Variants in AKAIN1 observed in about 807,000 individuals in gnomAD.
AKAIN1 encodes A-kinase anchor inhibitor 1.
A neutral mutation model predicts 3.7 loss-of-function variants in AKAIN1; 3 were observed. That is an observed-to-expected ratio of 0.82 (90% CI 0.37 to 2.12). The LOEUF is 2.12. AKAIN1 is among the 30% of genes most tolerant of loss of function. The pLI is 0.06. For missense variants in AKAIN1, 82 were observed against 82.7 expected (o/e 0.99, Z 0.03); for synonymous variants, 31 against 30.8 (o/e 1.01, Z -0.02).
intron 1 of AKAIN1, among the ~76,000 whole-genome samples, chr18:5,150,684 C>T (rs750223139): frequency 3.3e-5 from 5 of 152,164 alleles, no homozygotes; most frequent in Admixed American, 2.0e-4. Flanking sequence ...CCACTGTGAG[C>T]TCTGCAGCTC....
chr18:5,168,366 A>G (rs535537671), intron 1 of AKAIN1, among the ~76,000 whole-genome samples: 7 of 152,242 alleles, frequency 4.6e-5, no homozygotes, highest in African/African-American at 1.7e-4. Flanking sequence ...TTGAGCACCT[A>G]CACTGTCTAC....
upstream of AKAIN1, chr18:5,197,516 A>AAAAAAAAAAAAAAAT: frequency 1.7e-6 from 2 of 1,211,930 alleles, no homozygotes; most frequent in Non-Finnish European, 2.1e-6. The surrounding 1 kb of genome is among the most constrained non-coding windows in gnomAD (Gnocchi z 6.9). Flanking sequence ...AAAAAAAAAA[A>AAAAAAAAAAAAAAAT]CTCTAAGAGC....
At chr18:5,193,095 T>C (rs1484689066) in intron 1 of AKAIN1, among the ~76,000 whole-genome samples, 2 of 152,218 alleles carry the variant, frequency 1.3e-5, no homozygotes, top group Admixed American at 1.3e-4. Flanking sequence ...AAGAGGTTTA[T>C]ATAAATGAAT....
rs141404021 is a variant in AKAIN1 at position 5,168,188 on chromosome 18, C to T, written c.17-22433G>A. On this transcript the variant is annotated intron_variant, in intron 1 of 1. Transcript: ENST00000434239. ...ACAAATCTTGATGTGAATGAGTAGT[C>T]TCCAAGCAGCACTGGGTGAAGTAAA... Among the ~76,000 whole-genome samples, 129 of 152,196 alleles carry T rather than the reference C, an allele frequency of 8.5e-4. 1 individual carries two copies. In the East Asian group the frequency reaches 0.021, roughly 25 times the overall value.
At chr18:5,186,336 G>A (rs9960927) in intron 1 of AKAIN1, among the ~76,000 whole-genome samples, 52,247 of 151,846 alleles carry the variant, frequency 0.34, 9,311 homozygotes, top group African/African-American at 0.44. Context: ...CAGTTTACCT[G>A]TGTAACAAAC....
chr18:5,157,835 C>G (rs1306233646), intron 1 of AKAIN1, among the ~76,000 whole-genome samples: 1 of 152,094 alleles, frequency 6.6e-6, no homozygotes, highest in African/African-American at 2.4e-5. Context: ...CAGGTGCATG[C>G]TACGACCACC....
At chr18:5,192,600 T>C (rs1044355635) in intron 1 of AKAIN1, among the ~76,000 whole-genome samples, 13 of 152,072 alleles carry the variant, frequency 8.5e-5, no homozygotes, top group Non-Finnish European at 2.9e-5. Context: ...GCCAACATCT[T>C]GGACTTGGAA....
At chr18:5,157,248 G>A (rs539150700) in intron 1 of AKAIN1, among the ~76,000 whole-genome samples, 20 of 152,252 alleles carry the variant, frequency 1.3e-4, no homozygotes, top group African/African-American at 4.1e-4. Context: ...TGCAGCTTCC[G>A]TCTTCAGGAT....
intron 1 of AKAIN1, among the ~76,000 whole-genome samples, chr18:5,194,206 G>C (rs1414090364): frequency 2.0e-5 from 3 of 152,064 alleles, no homozygotes; most frequent in Admixed American, 6.6e-5. Context: ...TGGGCTTCAA[G>C]TAATTAACTC....
chr18:5,156,726 C>G (rs1681283792), intron 1 of AKAIN1, among the ~76,000 whole-genome samples: 1 of 152,168 alleles, frequency 6.6e-6, no homozygotes, highest in African/African-American at 2.4e-5. Context: ...ACTGCAGAAA[C>G]TTTGAGGGGC....
chr18:5,153,282 G>T (rs2071089195), intron 1 of AKAIN1, among the ~76,000 whole-genome samples: 1 of 151,240 alleles, frequency 6.6e-6, no homozygotes, highest in African/African-American at 2.5e-5. Context: ...TAGGAATCAA[G>T]ATGCTTATTG....
intron 1 of AKAIN1, among the ~76,000 whole-genome samples, chr18:5,186,541 C>A (rs902821589): frequency 1.3e-5 from 2 of 151,936 alleles, no homozygotes; most frequent in African/African-American, 2.4e-5. Flanking sequence ...AAAATACATA[C>A]CACTAAAAGT....
In AKAIN1 at chr18:5,144,497, T is replaced by C. The variant is rs2071037752; in HGVS notation, c.*1065A>G. On this transcript the variant is annotated 3_prime_UTR_variant, in exon 2 of 2. Transcript: ENST00000434239. ...TGCACAGATAACTTTATTACACGTG[T>C]ACACACACATATCTCTGTCACTGCA... Among the ~76,000 whole-genome samples the C allele has an allele frequency of 6.6e-6, 1 of 152,204 alleles. No individual in the cohort carries two copies. Among genetic ancestry groups the C allele is most frequent in the South Asian group, 2.1e-4 (1 of 4,832 alleles).
At chr18:5,147,407 A>G (rs1467778041) in intron 1 of AKAIN1, among the ~76,000 whole-genome samples, 1 of 152,206 alleles carries the variant, frequency 6.6e-6, no homozygotes, top group Non-Finnish European at 1.5e-5. Context: ...CATTTGGTTG[A>G]AGGGCAATCT....
intron 1 of AKAIN1, among the ~76,000 whole-genome samples, chr18:5,170,220 A>G (rs1443697076): frequency 6.6e-6 from 1 of 152,184 alleles, no homozygotes; most frequent in African/African-American, 2.4e-5. Context: ...AGTAAGAGGA[A>G]AGACTCAGCC....
At chr18:5,156,903 T>C (rs1234110181) in intron 1 of AKAIN1, among the ~76,000 whole-genome samples, 4 of 152,202 alleles carry the variant, frequency 2.6e-5, no homozygotes. Flanking sequence ...GGACAGGACA[T>C]GGTGTGAAAC....
chr18:5,155,542 G>C (rs2071103051), intron 1 of AKAIN1, among the ~76,000 whole-genome samples: 1 of 152,154 alleles, frequency 6.6e-6, no homozygotes, highest in African/African-American at 2.4e-5. Flanking sequence ...GGTCAGAATG[G>C]CTGCCCTGCA....
chr18:5,164,262 T>G lies in AKAIN1; in HGVS notation c.17-18507A>C, dbSNP rs567454581. ...ATGGAAAGGATGACAAACATACAGG[T>G]TAGTCCCTTCACTTATTACAAAGTT... On this transcript the variant is annotated intron_variant, in intron 1 of 1. Transcript: ENST00000434239. Among the ~76,000 whole-genome samples the G allele has an allele frequency of 2.0e-5, 3 of 152,174 alleles. No homozygotes were observed. In the East Asian group the frequency reaches 5.8e-4, roughly 29 times the overall value.
At chr18:5,146,506 C>T (rs1480539545) in intron 1 of AKAIN1, among the ~76,000 whole-genome samples, 8 of 152,214 alleles carry the variant, frequency 5.3e-5, no homozygotes, top group Admixed American at 4.6e-4. Context: ...GTGTATATAA[C>T]CTCGCTGGGG....
Sources: gnomAD v4.1 joint callset for allele counts (sites outside exome capture counted in the v4.1 genomes callset) on GRCh38, gnomAD v4.1.1 for gene constraint, Gnocchi (gnomAD v3.1) non-coding constraint, MANE v1.5 for transcripts, NCBI Gene and HGNC (gene_info 2026-07-23, HGNC 2026-07-21) for gene names.